The following APBA1 variants were observed in gnomAD, a reference collection of about 807,000 sequenced individuals.
APBA1 encodes the protein amyloid-beta A4 precursor protein-binding family A member 1.
Under a neutral mutation model 86.6 loss-of-function variants are expected in APBA1, and 55 were observed. That is an observed-to-expected ratio of 0.64 (90% CI 0.51 to 0.80). The LOEUF (loss-of-function observed/expected upper bound fraction) is 0.80. Ranked by LOEUF, APBA1 falls within the 30% of genes least tolerant of loss-of-function variation. The pLI is 0.00. For missense variants in APBA1, 1,090 were observed against 1,183.0 expected, an observed-to-expected ratio of 0.92 and a Z score of 1.15; for synonymous variants, 511 against 493.9, an observed-to-expected ratio of 1.03 and a Z score of -0.46.
At chr9:69,548,137 C>A (rs751506901) in intron 1 of APBA1, among the ~76,000 whole-genome samples, 1 of 152,164 alleles carries the variant, frequency 6.6e-6, no homozygotes, top group African/African-American at 2.4e-5. Flanking sequence ...GGACTTGGCA[C>A]AATCCCCTCT....
rs1276503744 is a variant in APBA1, at chr9:69,516,845, G to A, written c.366C>T (p.Tyr122=). The change falls in exon 2 of 13, where the codon TAC becomes TAT. Residue 122 remains tyrosine (Y), a synonymous_variant. Transcript: ENST00000265381. This position sits in a 1 kb window ranked among gnomAD's most constrained non-coding sequence, Gnocchi z 7.3. ...PEDESAYAVQ[Y]RPEAEEYTEQ... is the part of the protein sequence containing the mutation. ...CCGTGTACTCCTCGGCCTCGGGCCG[G>A]TACTGCACAGCATAGGCGCTCTCGT... 6.9e-6 allele frequency: 11 copies of A among 1,603,060 alleles called. No individual in the cohort carries two copies. The highest frequency in any genetic ancestry group is 1.3e-5 in the African/African-American group (1 of 75,010).
At chr9:69,615,617 G>A (rs1013040462) in intron 1 of APBA1, among the ~76,000 whole-genome samples, 2 of 152,094 alleles carry the variant, frequency 1.3e-5, no homozygotes, top group African/African-American at 4.8e-5. Context: ...AGCTTCCTAT[G>A]TCATCAATGT....
chr9:69,567,076 A>G (rs998713665), intron 1 of APBA1, among the ~76,000 whole-genome samples: 2 of 152,166 alleles, frequency 1.3e-5, no homozygotes, highest in African/African-American at 4.8e-5. Flanking sequence ...ATTTTTTTTT[A>G]CAATGATCAC....
intron 8 of APBA1, among the ~76,000 whole-genome samples, chr9:69,455,030 T>C (rs1486555439): frequency 6.6e-6 from 1 of 152,064 alleles, no homozygotes; most frequent in African/African-American, 2.4e-5. Context: ...TGTTGGCATC[T>C]CCTCCTCTCT....
chr9:69,610,401 T>C (rs767238105), intron 1 of APBA1, among the ~76,000 whole-genome samples: 2 of 152,190 alleles, frequency 1.3e-5, no homozygotes, highest in Non-Finnish European at 2.9e-5. Flanking sequence ...GAGTAAGCCC[T>C]TTCTGGTATA....
Position 69,457,484 on chromosome 9 carries a change from G to A in APBA1, c.1516-345C>T, listed in dbSNP as rs991001870. 1.2e-4 allele frequency among the ~76,000 whole-genome samples: 19 copies of A among 152,302 alleles called. 1 individual carries two copies. The highest frequency in any genetic ancestry group is 2.1e-4 in the South Asian group (1 of 4,822). ...ACAGATTGAAGAAATAGGCCAAAAA[G>A]CTCATACCAAAAGACCTTGGGGAAG... On this transcript the variant is annotated intron_variant, in intron 6 of 12. Coordinates refer to ENST00000265381, the MANE Select transcript of APBA1 (RefSeq NM_001163.4).
intron 10 of APBA1, among the ~76,000 whole-genome samples, chr9:69,444,189 A>C (rs1373453684): frequency 6.6e-6 from 1 of 152,154 alleles, no homozygotes; most frequent in Non-Finnish European, 1.5e-5. Flanking sequence ...TAGCATTCAC[A>C]TTCATGTGGC....
intron 1 of APBA1, among the ~76,000 whole-genome samples, chr9:69,604,726 G>C (rs1006354588): frequency 7.6e-6 from 1 of 130,954 alleles, no homozygotes; most frequent in African/African-American, 3.3e-5. Flanking sequence ...AGAGGCACAC[G>C]AGTGTGGGCA....
At chr9:69,658,285 TCTCTCTCTTTCTCTCTCTC>T (rs1823667394) in intron 1 of APBA1, among the ~76,000 whole-genome samples, 1 of 32,338 alleles carries the variant, frequency 3.1e-5, no homozygotes. Context: ...TCTTTCTTTC[TCTCTCTCTTTCTCTCTCTC>T]TCTTTCTTTC....
chr9:69,614,421 A>G (rs1822656083), intron 1 of APBA1, among the ~76,000 whole-genome samples: 1 of 152,230 alleles, frequency 6.6e-6, no homozygotes, highest in South Asian at 2.1e-4. Flanking sequence ...CTTAAATTAC[A>G]TTTATGGGTA....
chr9:69,669,134 C>G (rs897075051), intron 1 of APBA1, among the ~76,000 whole-genome samples: 10 of 152,180 alleles, frequency 6.6e-5, no homozygotes, highest in Non-Finnish European at 1.5e-4. Context: ...ATCTGAGATG[C>G]GGGAGGCAAT....
At chr9:69,453,918 T>A (rs949294956) in intron 8 of APBA1, among the ~76,000 whole-genome samples, 9 of 152,214 alleles carry the variant, frequency 5.9e-5, no homozygotes, top group Non-Finnish European at 2.9e-5. Context: ...GTGTCCCCAC[T>A]GGGTAGAACA....
rs187337040 is a variant in APBA1 at position 69,496,122 on chromosome 9, G to A, written c.1200+19889C>T. On this transcript the variant is annotated intron_variant, in intron 2 of 12. Coordinates refer to ENST00000265381, the MANE Select transcript of APBA1 (RefSeq NM_001163.4). ...GTCAAGACAAACATGGCAGAACTAA[G>A]CTGGATGGAGGAGCTCTTGGAAACA... is the stretch of plus-strand genomic sequence containing the variant. Among the ~76,000 whole-genome samples the A allele has an allele frequency of 6.6e-4, 101 of 152,226 alleles. 1 individual carries two copies. Among genetic ancestry groups the A allele is most frequent in the Non-Finnish European group, 5.9e-5 (4 of 68,032 alleles).
Position 69,567,752 on chromosome 9 carries a change from G to C in APBA1, c.-69-50473C>G, listed in dbSNP as rs148056433. Among the ~76,000 whole-genome samples the C allele has an allele frequency of 7.2e-3, 1,093 of 152,240 alleles. 10 individuals are homozygous for C. Among genetic ancestry groups the C allele is most frequent in the African/African-American group, 0.025 (1,024 of 41,520 alleles). ...TTCCAGCAGAGCTCAGGCCTGTCAG[G>C]AGGAGGTGCAGGCCTTCTTCAAATG... On this transcript the variant is annotated intron_variant, in intron 1 of 12. Coordinates refer to ENST00000265381, the MANE Select transcript of APBA1 (RefSeq NM_001163.4).
chr9:69,650,438 G>A (rs1482141934), intron 1 of APBA1, among the ~76,000 whole-genome samples: 1 of 152,192 alleles, frequency 6.6e-6, no homozygotes, highest in Admixed American at 6.5e-5. Flanking sequence ...AAATGAAGAT[G>A]TTAAAATTAA....
chr9:69,632,977 CT>C (rs920857689), intron 1 of APBA1, among the ~76,000 whole-genome samples: 1 of 151,928 alleles, frequency 6.6e-6, no homozygotes, highest in Admixed American at 6.6e-5. Context: ...AGCTCCCCCC[CT>C]GCTGGGTCAT....
intron 2 of APBA1, among the ~76,000 whole-genome samples, chr9:69,481,684 C>T (rs1198873704): frequency 1.6e-3 from 244 of 148,358 alleles, no homozygotes; most frequent in African/African-American, 5.4e-3. Flanking sequence ...GCCAAAAGAA[C>T]AAAGCTGGAG....
chr9:69,467,788 C>A (rs1297645778), intron 5 of APBA1, 35 bp downstream of exon 5: 1 of 1,613,310 alleles, frequency 6.2e-7, no homozygotes. Context: ...CTACACCAGC[C>A]CCCTGTCCCT....
chr9:69,476,219 G>A, intron 2 of APBA1, 76 bp from the exon 3 acceptor site: 4 of 1,058,882 alleles, frequency 3.8e-6, no homozygotes, highest in Non-Finnish European at 5.7e-6. Context: ...AAGGGGCCGG[G>A]AGAGAGAAGC....
Sources: allele counts gnomAD v4.1 joint callset (sites outside exome capture counted in the v4.1 genomes callset), GRCh38; gene constraint gnomAD v4.1.1; non-coding constraint Gnocchi (gnomAD v3.1); transcripts MANE v1.5; gene names NCBI Gene and HGNC (gene_info 2026-07-23, HGNC 2026-07-21).